The following RASA3 variants were observed in gnomAD, a reference collection of about 807,000 sequenced individuals.
RASA3 encodes the protein RAS p21 protein activator 3.
RASA3 carries 73 observed loss-of-function variants against 110.0 expected under a neutral mutation model. The observed-to-expected ratio is 0.66, with a 90% CI of 0.55 to 0.81. RASA3 has a LOEUF of 0.81. Ranked by LOEUF, RASA3 falls within the 30% of genes least tolerant of loss-of-function variation. The pLI is 0.00. For synonymous variants in RASA3, 500 were observed against 451.4 expected (o/e 1.11, Z -1.37); for missense variants, 976 against 1,113.2 (o/e 0.88, Z 1.75).
intron 23 of RASA3, among the ~76,000 whole-genome samples, chr13:113,980,863 GAGA>G (rs1566438069): frequency 6.6e-6 from 1 of 152,210 alleles, no homozygotes; most frequent in African/African-American, 2.4e-5. Flanking sequence ...GGGAAGGAGG[GAGA>G]AGAAGGGTGG....
chr13:114,003,052 C>T (rs1473235766), intron 18 of RASA3, among the ~76,000 whole-genome samples: 1 of 152,218 alleles, frequency 6.6e-6, no homozygotes, highest in Non-Finnish European at 1.5e-5. Flanking sequence ...CACACATGGA[C>T]GAACATGGCA....
intron 1 of RASA3, among the ~76,000 whole-genome samples, chr13:114,074,983 C>A (rs889232196): frequency 2.0e-5 from 3 of 152,140 alleles, no homozygotes; most frequent in African/African-American, 7.2e-5. Flanking sequence ...GTAAAAAAAA[C>A]GCCTCAAACA....
intron 1 of RASA3, among the ~76,000 whole-genome samples, chr13:114,079,694 G>A (rs2079750508): frequency 6.6e-6 from 1 of 152,328 alleles, no homozygotes; most frequent in East Asian, 1.9e-4. Context: ...AAGCCTCTGT[G>A]CCATGCGTGG....
intron 1 of RASA3, among the ~76,000 whole-genome samples, chr13:114,090,213 G>C (rs982639240): frequency 6.6e-6 from 1 of 152,198 alleles, no homozygotes; most frequent in Non-Finnish European, 1.5e-5. Context: ...GGAGCCACCC[G>C]GCTGCCTGCC....
intron 1 of RASA3, among the ~76,000 whole-genome samples, chr13:114,077,031 G>C (rs1348056384): frequency 1.3e-5 from 2 of 151,894 alleles, no homozygotes; most frequent in Non-Finnish European, 2.9e-5. Flanking sequence ...ATATTTAGCT[G>C]TAAGTTCCTG....
rs188505861 is a variant in RASA3, at chr13:114,098,258, G to A, written c.56-24421C>T. Among the ~76,000 whole-genome samples, 6 of 152,224 alleles carry A rather than the reference G, an allele frequency of 3.9e-5. 1 individual carries two copies. Among genetic ancestry groups the A allele is most frequent in the African/African-American group, 1.4e-4 (6 of 41,524 alleles). ...AGACAGCAGGAAAAAAAATCAAACG[G>A]GAGGCCATGCCCTCTACCCTGGGGG... On this transcript the variant is annotated intron_variant, in intron 1 of 23. Coordinates refer to ENST00000334062, the MANE Select transcript of RASA3 (RefSeq NM_007368.4).
rs2080537382 is a variant in RASA3, at chr13:114,132,549, G to C, written c.-60C>G. ...GCGCGCGCCGAGCCCGGGCAGCTCAGGCCGAGCAGGAGGAGCGGCGGCGCC... is the reference window on the plus strand; with the variant it reads ...GCGCGCGCCGAGCCCGGGCAGCTCACGCCGAGCAGGAGGAGCGGCGGCGCC... On this transcript the variant is annotated 5_prime_UTR_variant, in exon 1 of 24. Coordinates refer to ENST00000334062, the MANE Select transcript of RASA3 (RefSeq NM_007368.4). 7.7e-7 allele frequency: 1 copy of C among 1,302,170 alleles called. No individual in the cohort carries two copies. The highest frequency in any genetic ancestry group is 1.5e-5 in the African/African-American group (1 of 64,938). The allele number at this position is 1,302,170 out of a possible 1,614,324, so 80.7% of individuals were successfully genotyped here. A position where few individuals can be genotyped will look rare whatever the true frequency, so the allele number is the denominator to read the frequency against.
chr13:113,984,762 C>A (rs2053014105), intron 22 of RASA3, among the ~76,000 whole-genome samples: 1 of 57,140 alleles, frequency 1.8e-5, no homozygotes. Flanking sequence ...CCATTACTCA[C>A]CCATCCATCC....
chr13:114,073,843 A>G lies in RASA3; in HGVS notation c.56-6T>C. 1 of 1,607,062 alleles carries G rather than the reference A, an allele frequency of 6.2e-7. No individual in the cohort carries two copies. The highest frequency in any genetic ancestry group is 1.3e-5 in the African/African-American group (1 of 74,898). On this transcript the variant is annotated splice_region_variant and splice_polypyrimidine_tract_variant and intron_variant, in intron 1 of 23. Transcript: ENST00000334062. ...GGGAAGGTTTTTGGCTTCACCTAAA[A>G]AGTAAAAGCGACATACATCATCAGC...
rs956820885 is a variant in RASA3 at position 114,047,981 on chromosome 13, T to C, written c.277+4071A>G. 4.6e-5 allele frequency among the ~76,000 whole-genome samples: 7 copies of C among 152,182 alleles called. No individual in the cohort carries two copies. The East Asian group carries it at 1.2e-3, about 25-fold the overall frequency. ...GAAGGCTACACCTAACAGTGAACTTTACCATATGTCAGTTGCAGACCACCT... is the reference window on the plus strand; with the variant it reads ...GAAGGCTACACCTAACAGTGAACTTCACCATATGTCAGTTGCAGACCACCT... On this transcript the variant is annotated intron_variant, in intron 3 of 23. Coordinates refer to ENST00000334062, the MANE Select transcript of RASA3 (RefSeq NM_007368.4).
At chr13:114,109,370 C>A (rs1042287528) in intron 1 of RASA3, among the ~76,000 whole-genome samples, 2 of 152,198 alleles carry the variant, frequency 1.3e-5, no homozygotes, top group African/African-American at 4.8e-5. Context: ...CCAGTCCAAA[C>A]CCTCCTGTTC....
chr13:114,052,927 C>T (rs1486746012), intron 2 of RASA3, among the ~76,000 whole-genome samples: 1 of 124,934 alleles, frequency 8.0e-6, no homozygotes, highest in Non-Finnish European at 1.8e-5. Flanking sequence ...ACCCCCGCTG[C>T]TGACTGTACT....
chr13:114,002,503 G>GA (rs2053428693), intron 18 of RASA3, among the ~76,000 whole-genome samples: 1 of 152,132 alleles, frequency 6.6e-6, no homozygotes, highest in African/African-American at 2.4e-5. Flanking sequence ...GTTGGGGGGG[G>GA]ACTGGGAGCT....
intron 1 of RASA3, among the ~76,000 whole-genome samples, chr13:114,100,069 T>C (rs1358830145): frequency 6.6e-6 from 1 of 150,756 alleles, no homozygotes; most frequent in Non-Finnish European, 1.5e-5. Flanking sequence ...GCGTCTGCTC[T>C]GGAAGAGCGG....
Position 114,011,201 on chromosome 13 carries a change from C to G in RASA3, c.1560G>C (p.Gln520His). The G allele has an allele frequency of 6.2e-7, 1 of 1,613,056 alleles. No homozygotes were observed. The change falls in exon 16 of 24, where the codon CAG becomes CAC. Residue 520 changes from glutamine (Q) to histidine (H), a missense_variant. This residue lies in a region of RASA3 where 732 missense variants were observed against 779.7 expected (regional missense o/e 0.94). Transcript: ENST00000334062. This position sits in a 1 kb window ranked among gnomAD's most constrained non-coding sequence, Gnocchi z 4.8. The stretch of plus-strand genomic sequence containing the variant: ...TGGACTTGGACAGGCTGCCGAGGGT[C>G]TGAACGGTCTTGGAGATCAATGTCA... ...RTLTLISKTVQTLGSLSKSKS... is the reference protein window; with the variant it reads ...RTLTLISKTVHTLGSLSKSKS...
intron 1 of RASA3, among the ~76,000 whole-genome samples, chr13:114,127,731 C>G (rs896545594): frequency 2.6e-5 from 4 of 152,060 alleles, no homozygotes; most frequent in Non-Finnish European, 4.4e-5. Flanking sequence ...GCCTGGGCAA[C>G]ACAGTGAGGC....
chr13:114,069,111 G>A (rs1414278383), intron 2 of RASA3, among the ~76,000 whole-genome samples: 2 of 152,158 alleles, frequency 1.3e-5, no homozygotes, highest in Admixed American at 6.5e-5. Context: ...GAGCTGGGTC[G>A]GTGACCTCCT....
At chr13:114,116,470 G>A (rs937405444) in intron 1 of RASA3, among the ~76,000 whole-genome samples, 5 of 151,858 alleles carry the variant, frequency 3.3e-5, no homozygotes, top group Admixed American at 2.0e-4. Context: ...GTGACTGAGC[G>A]GCGCCCGTCA....
rs114031612 is a variant in RASA3, at chr13:114,001,917, C to T, written c.1743-985G>A. The stretch of plus-strand genomic sequence containing the variant: ...GGTAGAAGGCGCCACTGGGCCACGT[C>T]CTCAGGAAACGTGGGGAGCAGGAGA... On this transcript the variant is annotated intron_variant, in intron 18 of 23. Transcript: ENST00000334062. 1.6e-3 allele frequency among the ~76,000 whole-genome samples: 246 copies of T among 152,370 alleles called. 2 individuals carry two copies. Among genetic ancestry groups the T allele is most frequent in the African/African-American group, 5.8e-3 (242 of 41,584 alleles).
Sources: gnomAD v4.1 joint callset for allele counts (sites outside exome capture counted in the v4.1 genomes callset) on GRCh38, gnomAD v4.1.1 for gene constraint, gnomAD v4.1.1 regional missense constraint, Gnocchi (gnomAD v3.1) non-coding constraint, MANE v1.5 for transcripts, NCBI Gene and HGNC (gene_info 2026-07-23, HGNC 2026-07-21) for gene names.